AKNAD1: variants seen among roughly 807,000 people sequenced by gnomAD.
AKNAD1 encodes the protein AKNA domain containing 1.
A neutral mutation model predicts 90.8 loss-of-function variants in AKNAD1; 67 were observed. The ratio of observed to expected loss-of-function variants is 0.74; its 90% confidence interval spans 0.61 to 0.90. The LOEUF is 0.90. Among genes scored for constraint, AKNAD1 ranks in the 40% least tolerant of loss-of-function variants. AKNAD1 has a pLI of 0.00. For synonymous variants in AKNAD1, 327 were observed against 341.4 expected, an observed-to-expected ratio of 0.96 and a Z score of 0.46; for missense variants, 957 against 975.4, an observed-to-expected ratio of 0.98 and a Z score of 0.25.
upstream of AKNAD1, chr1:108,857,971 A>T (rs1301272860): frequency 6.6e-6 from 1 of 152,630 alleles, no homozygotes; most frequent in Non-Finnish European, 1.5e-5. Flanking sequence ...ACAAAGCAGT[A>T]TGCTGCTCTG....
chr1:108,821,159 G>C (rs552204443), intron 13 of AKNAD1, among the ~76,000 whole-genome samples: 2 of 152,032 alleles, frequency 1.3e-5, no homozygotes, highest in East Asian at 3.9e-4. Flanking sequence ...CAATTTTAAA[G>C]GGAGTTTTAG....
rs3044857 is a variant in AKNAD1, at chr1:108,839,471, T to TAAAAAAA, written c.1380-1772_1380-1766dup. ...CTGGAGGAGCGAGACTCCGTCTCAA[T>TAAAAAAA]AAAAAAAAAAAGAAAAGGGAAAATT... On this transcript the variant is annotated intron_variant, in intron 6 of 15. Coordinates refer to ENST00000370001, the MANE Select transcript of AKNAD1 (RefSeq NM_152763.5). Among the ~76,000 whole-genome samples the TAAAAAAA allele has an allele frequency of 3.2e-5, 4 of 126,166 alleles. No individual in the cohort carries two copies. In the East Asian group the frequency reaches 8.5e-4, roughly 27 times the overall value. The allele number at this position is 126,166 out of a possible 152,430, so 82.8% of individuals were successfully genotyped here. A position where few individuals can be genotyped will look rare whatever the true frequency, so the allele number is the denominator to read the frequency against.
chr1:108,849,347 C>T (rs1664787167), intron 3 of AKNAD1, among the ~76,000 whole-genome samples, 190 bp downstream of exon 3: 1 of 151,812 alleles, frequency 6.6e-6, no homozygotes, highest in African/African-American at 2.4e-5. Context: ...GGTGTGGTGG[C>T]ATGCACCTGT....
intron 8 of AKNAD1, 62 bp downstream of exon 8, chr1:108,834,867 G>T: frequency 6.7e-7 from 1 of 1,493,552 alleles, no homozygotes; most frequent in Non-Finnish European, 8.9e-7. Context: ...CCTGGAGGCT[G>T]CATGAGGAAG....
chr1:108,849,238 T>TG (rs1251130057), intron 3 of AKNAD1, among the ~76,000 whole-genome samples, 178 bp from the exon 4 acceptor site: 2 of 152,122 alleles, frequency 1.3e-5, no homozygotes, highest in African/African-American at 4.8e-5. Context: ...CCCAGCACTT[T>TG]GGGAGGCCAA....
intron 14 of AKNAD1, among the ~76,000 whole-genome samples, chr1:108,819,166 C>A (rs1311212600): frequency 6.6e-6 from 1 of 152,140 alleles, no homozygotes; most frequent in Non-Finnish European, 1.5e-5. Flanking sequence ...ATCTCCACCA[C>A]CCTTGGTCAA....
intron 5 of AKNAD1, among the ~76,000 whole-genome samples, chr1:108,846,821 AG>A (rs1308233596): frequency 6.6e-6 from 1 of 152,042 alleles, no homozygotes; most frequent in Non-Finnish European, 1.5e-5. Context: ...GATGTCCCAA[AG>A]GTAGCTCAAA....
chr1:108,849,055 C>G lies in AKNAD1; in HGVS notation c.1039G>C (p.Glu347Gln). The G allele has an allele frequency of 6.3e-7, 1 of 1,592,044 alleles. No homozygotes were observed. The highest frequency in any genetic ancestry group is 8.5e-7 in the Non-Finnish European group (1 of 1,173,236). Residue 347 changes from glutamate (E) to glutamine (Q), a missense_variant, in exon 4 of 16, where the codon GAA (glutamate) becomes CAA (glutamine). Glu to Gln is a conservative substitution (Grantham distance 29). Transcript: ENST00000370001. ...HIHQELLTGI[E>Q]SEASLSKLSP... is the part of the protein sequence containing the mutation. ...AACTTAGAGAGACTTGCCTCAGATTCTATTCCTATACAAGAAAGAACACAT... is the reference window on the plus strand; with the variant it reads ...AACTTAGAGAGACTTGCCTCAGATTGTATTCCTATACAAGAAAGAACACAT...
intron 9 of AKNAD1, among the ~76,000 whole-genome samples, chr1:108,832,049 T>C (rs1463519875): frequency 6.6e-6 from 1 of 152,144 alleles, no homozygotes; most frequent in Non-Finnish European, 1.5e-5. Flanking sequence ...GTGCTTCCCT[T>C]ATAGTCTCCT....
intron 10 of AKNAD1, among the ~76,000 whole-genome samples, chr1:108,827,832 A>G (rs996372281): frequency 1.3e-5 from 2 of 151,352 alleles, no homozygotes; most frequent in African/African-American, 4.8e-5. Context: ...AAAAAAGAAA[A>G]TGTATACAAG....
At chr1:108,821,657 C>T (rs972097152) in intron 13 of AKNAD1, among the ~76,000 whole-genome samples, 4 of 151,946 alleles carry the variant, frequency 2.6e-5, no homozygotes, top group Non-Finnish European at 5.9e-5. Flanking sequence ...AGTTAAGATT[C>T]TAGGAGTAGA....
chr1:108,831,065 A>G (rs571637156), intron 9 of AKNAD1, among the ~76,000 whole-genome samples: 66 of 152,368 alleles, frequency 4.3e-4, no homozygotes, highest in African/African-American at 1.5e-3. Context: ...TTTTAGATCT[A>G]TTAATCTGAC....
At chr1:108,820,191 C>A (rs1262730090) in intron 14 of AKNAD1, among the ~76,000 whole-genome samples, 2 of 152,164 alleles carry the variant, frequency 1.3e-5, no homozygotes, top group Non-Finnish European at 2.9e-5. Context: ...TTCGTTCATA[C>A]TTATCCTTCG....
chr1:108,839,471 T>TTAAAAAAAAAAAGAAAAAAAAAA (rs1553203226), intron 6 of AKNAD1, among the ~76,000 whole-genome samples: 3 of 126,148 alleles, frequency 2.4e-5, no homozygotes, highest in Admixed American at 7.7e-5. Context: ...TCCGTCTCAA[T>TTAAAAAAAAAAAGAAAAAAAAAA]AAAAAAAAAA....
intron 6 of AKNAD1, among the ~76,000 whole-genome samples, chr1:108,841,489 T>C (rs928487161): frequency 2.0e-5 from 3 of 152,140 alleles, no homozygotes; most frequent in African/African-American, 7.2e-5. Flanking sequence ...AAGAAGCAAA[T>C]TACTATTGGA....
chr1:108,858,183 C>T (rs34367763), upstream of AKNAD1: 13,785 of 152,666 alleles, frequency 0.09, 697 homozygotes, highest in Non-Finnish European at 0.1. Context: ...AGTTGAATAA[C>T]AGAACAAAAA....
chr1:108,821,777 A>G (rs1663818751), intron 13 of AKNAD1, among the ~76,000 whole-genome samples: 1 of 152,202 alleles, frequency 6.6e-6, no homozygotes, highest in Non-Finnish European at 1.5e-5. Flanking sequence ...TAAAGGAAAA[A>G]AGACGAGTCA....
Position 108,826,079 on chromosome 1 carries a change from G to A in AKNAD1, c.1936+1126C>T, listed in dbSNP as rs145336427. Among the ~76,000 whole-genome samples the A allele has an allele frequency of 9.4e-4, 143 of 151,716 alleles. 11 individuals are homozygous for A. In the East Asian group the frequency reaches 0.023, roughly 24 times the overall value. ...TTTCAGGAAACCCCAGGGACCCTCC[G>A]ATTACACCTGGAAAACTCCTACTTT... On this transcript the variant is annotated intron_variant, in intron 11 of 15. Coordinates refer to ENST00000370001, the MANE Select transcript of AKNAD1 (RefSeq NM_152763.5).
intron 9 of AKNAD1, among the ~76,000 whole-genome samples, chr1:108,833,396 A>G (rs1407553686): frequency 6.6e-6 from 1 of 152,166 alleles, no homozygotes; most frequent in Non-Finnish European, 1.5e-5. Context: ...CAGTGTGGGC[A>G]ACGTGGTGAA....
Sources: allele counts gnomAD v4.1 joint callset (sites outside exome capture counted in the v4.1 genomes callset), GRCh38; gene constraint gnomAD v4.1.1; transcripts MANE v1.5; gene names NCBI Gene and HGNC (gene_info 2026-07-23, HGNC 2026-07-21).